Variants in CUX2 observed in about 807,000 individuals in gnomAD.
The protein encoded by CUX2 is cut like homeobox 2.
Under a neutral mutation model 144.8 loss-of-function variants are expected in CUX2, and 40 were observed. The observed-to-expected ratio is 0.28, with a 90% CI of 0.21 to 0.36. CUX2 has a LOEUF of 0.36. CUX2 is among the 10% of genes least tolerant of loss of function. The probability of loss-of-function intolerance (pLI) is 1.00; values close to 1 mark genes in which losing one functional copy is unlikely to be tolerated. For missense variants in CUX2, 1,615 were observed against 1,994.0 expected (o/e 0.81, Z 3.62); for synonymous variants, 827 against 875.6 (o/e 0.94, Z 0.98).
intron 1 of CUX2, among the ~76,000 whole-genome samples, chr12:111,167,730 T>C (rs1389361461): frequency 1.3e-5 from 2 of 152,206 alleles, no homozygotes; most frequent in Non-Finnish European, 2.9e-5. Flanking sequence ...AGTCTTGCTC[T>C]GTTGCCCAGG....
At chr12:111,282,386 G>A (rs1885157922) in intron 4 of CUX2, among the ~76,000 whole-genome samples, 1 of 151,576 alleles carries the variant, frequency 6.6e-6, no homozygotes, top group Non-Finnish European at 1.5e-5. Flanking sequence ...CAGCACTTTG[G>A]GAAGCCAAGG....
At chr12:111,329,316 C>T (rs2136422990) in intron 18 of CUX2, among the ~76,000 whole-genome samples, 1 of 151,902 alleles carries the variant, frequency 6.6e-6, no homozygotes, top group South Asian at 2.1e-4. Context: ...CCTGCCTCTC[C>T]CTGTCGTCGC....
At chr12:111,235,843 G>T (rs773691023) in intron 3 of CUX2, among the ~76,000 whole-genome samples, 3 of 152,194 alleles carry the variant, frequency 2.0e-5, no homozygotes, top group Non-Finnish European at 2.9e-5. Flanking sequence ...GATGTGGCAG[G>T]TGGAGACAGA....
At chr12:111,149,400 A>G (rs1876898809) in intron 1 of CUX2, among the ~76,000 whole-genome samples, 1 of 152,092 alleles carries the variant, frequency 6.6e-6, no homozygotes, top group Non-Finnish European at 1.5e-5. Context: ...TTCAACCTTG[A>G]CACTTTTGAC....
At chr12:111,311,485 C>T (rs1476321826) in intron 15 of CUX2, among the ~76,000 whole-genome samples, 3 of 152,036 alleles carry the variant, frequency 2.0e-5, no homozygotes, top group African/African-American at 7.2e-5. Flanking sequence ...GACAGGGTCT[C>T]ACCATAGTGA....
rs1214145010 is a variant in CUX2, at chr12:111,322,507, C to T, written c.2853C>T (p.Pro951=). 1.2e-6 allele frequency: 2 copies of T among 1,605,860 alleles called. No individual in the cohort carries two copies. The highest frequency in any genetic ancestry group is 8.5e-7 in the Non-Finnish European group (1 of 1,177,760). ...WSKLTQKGRE[P]FIRMQLWLSD... ...AGCTGACGCAGAAGGGGCGGGAGCCCTTCATCCGCATGCAGCTGTGGCTCT... is the reference window on the plus strand; with the variant it reads ...AGCTGACGCAGAAGGGGCGGGAGCCTTTCATCCGCATGCAGCTGTGGCTCT... Residue 951 remains proline (P), a synonymous_variant, in exon 18 of 22, where the codon CCC becomes CCT. Coordinates refer to ENST00000261726, the MANE Select transcript of CUX2 (RefSeq NM_015267.4). This position sits in a 1 kb window ranked among gnomAD's most constrained non-coding sequence, Gnocchi z 4.2.
chr12:111,180,144 C>A (rs1192328450), intron 1 of CUX2, among the ~76,000 whole-genome samples: 1 of 150,798 alleles, frequency 6.6e-6, no homozygotes, highest in East Asian at 2.0e-4. Flanking sequence ...ACCTTGTGTC[C>A]CTCCTCACCT....
At chr12:111,172,390 G>A (rs954636635) in intron 1 of CUX2, among the ~76,000 whole-genome samples, 1 of 152,250 alleles carries the variant, frequency 6.6e-6, no homozygotes, top group African/African-American at 2.4e-5. Flanking sequence ...ACAACCCGCT[G>A]GTTCTTGGCT....
At chr12:111,244,664 T>C (rs1420937611) in intron 3 of CUX2, among the ~76,000 whole-genome samples, 2 of 152,124 alleles carry the variant, frequency 1.3e-5, no homozygotes, top group African/African-American at 4.8e-5. Context: ...GCTGGGCACT[T>C]CCATCAGGAT....
At chr12:111,328,619 T>TGTGTGTGA (rs757660183) in intron 18 of CUX2, among the ~76,000 whole-genome samples, 8 of 148,618 alleles carry the variant, frequency 5.4e-5, no homozygotes, top group Admixed American at 1.3e-4. Context: ...TGTGTGTGTG[T>TGTGTGTGA]GACAGAGTCT....
At chr12:111,254,623 CTT>C (rs1382798750) in intron 3 of CUX2, among the ~76,000 whole-genome samples, 1 of 152,142 alleles carries the variant, frequency 6.6e-6, no homozygotes, top group Non-Finnish European at 1.5e-5. Context: ...ATGACTGACA[CTT>C]GAGGGTCCAA....
At chr12:111,119,907 AATTAG>A (rs1874534411) in intron 1 of CUX2, among the ~76,000 whole-genome samples, 1 of 151,980 alleles carries the variant, frequency 6.6e-6, no homozygotes, top group Non-Finnish European at 1.5e-5. Flanking sequence ...AAAATACAAA[AATTAG>A]CCAGGCATGG....
intron 1 of CUX2, among the ~76,000 whole-genome samples, chr12:111,075,554 C>T (rs1176430854): frequency 6.6e-6 from 1 of 152,002 alleles, no homozygotes; most frequent in African/African-American, 2.4e-5. Flanking sequence ...CGTTCGGATG[C>T]GGAGAGGGAG....
chr12:111,217,955 C>T lies in CUX2; in HGVS notation c.222+18C>T, dbSNP rs1161722223. ...AAGCCGAGGTAAGACCCAGGGCCCA[C>T]AGCATGTCAGAAAAGTGCCCCCAAT... On this transcript the variant is annotated intron_variant, in intron 3 of 21. Transcript: ENST00000261726. The T allele has an allele frequency of 6.2e-7, 1 of 1,613,666 alleles. No individual in the cohort carries two copies. Among genetic ancestry groups the T allele is most frequent in the Non-Finnish European group, 8.5e-7 (1 of 1,180,018 alleles).
At chr12:111,075,782 C>T (rs1031515805) in intron 1 of CUX2, among the ~76,000 whole-genome samples, 1 of 152,068 alleles carries the variant, frequency 6.6e-6, no homozygotes, top group South Asian at 2.1e-4. Context: ...CCCAGGGTGT[C>T]CGAGTGATTT....
intron 1 of CUX2, among the ~76,000 whole-genome samples, chr12:111,129,407 T>C (rs902767059): frequency 1.3e-5 from 2 of 152,232 alleles, no homozygotes; most frequent in African/African-American, 2.4e-5. Context: ...AGCACAATGC[T>C]TCCATCCAGT....
intron 4 of CUX2, among the ~76,000 whole-genome samples, chr12:111,272,081 GT>G (rs888145113): frequency 1.3e-5 from 2 of 152,162 alleles, no homozygotes; most frequent in African/African-American, 4.8e-5. Flanking sequence ...GGTATAAGGA[GT>G]TTTTTTAGTA....
intron 1 of CUX2, among the ~76,000 whole-genome samples, chr12:111,169,509 A>T (rs1878380152): frequency 6.6e-6 from 1 of 152,202 alleles, no homozygotes; most frequent in Non-Finnish European, 1.5e-5. Context: ...AAGATAGCCA[A>T]TCGGATCAGG....
chr12:111,121,136 C>T (rs1751736794), intron 1 of CUX2, among the ~76,000 whole-genome samples: 1 of 149,990 alleles, frequency 6.7e-6, no homozygotes, highest in African/African-American at 2.4e-5. Context: ...ACAACTAACT[C>T]GATATCTTAT....
Sources: allele counts gnomAD v4.1 joint callset (sites outside exome capture counted in the v4.1 genomes callset), GRCh38; gene constraint gnomAD v4.1.1; non-coding constraint Gnocchi (gnomAD v3.1); transcripts MANE v1.5; gene names NCBI Gene and HGNC (gene_info 2026-07-23, HGNC 2026-07-21).